Variants in CD300C observed in about 807,000 individuals in gnomAD.
CD300C encodes CMRF35-like molecule 6.
In CD300C, 11 loss-of-function variants were observed where a neutral mutation model predicts 18.4. That is an observed-to-expected ratio of 0.60 (90% CI 0.38 to 0.99). CD300C has a LOEUF of 0.99. CD300C is among the 50% of genes least tolerant of loss of function. CD300C has a pLI of 0.01. For missense variants in CD300C, 277 were observed against 287.4 expected (o/e 0.96, Z 0.26); for synonymous variants, 116 against 116.3 (o/e 1.00, Z 0.02).
downstream of CD300C, among the ~76,000 whole-genome samples, chr17:74,538,712 G>T (rs556488125): frequency 1.3e-5 from 2 of 152,206 alleles, no homozygotes; most frequent in Non-Finnish European, 2.9e-5. Context: ...AGAGGTGCAG[G>T]AATCAATAAC....
In CD300C at chr17:74,544,689, G is replaced by A. The variant is rs756347680; in HGVS notation, c.320C>T (p.Thr107Ile). 5 of 1,614,116 alleles carry A rather than the reference G, an allele frequency of 3.1e-6. No homozygotes were observed. The highest frequency in any genetic ancestry group is 1.3e-5 in the African/African-American group (1 of 74,950). The change falls in exon 2 of 4, where the codon ACC (threonine) becomes ATC (isoleucine). Residue 107 changes from threonine (T) to isoleucine (I), a missense_variant. By Grantham distance (89) the Thr-to-Ile change is moderately conservative. Transcript: ENST00000330793. ...CGGTGTATCCACCCCACACCAGTAG[G>A]TGCCTGCGTCCTCCTCTGTGAGATT... Reference protein sequence around the residue: ...LENLTEEDAGTYWCGVDTPWL... With the variant: ...LENLTEEDAGIYWCGVDTPWL...
Position 74,544,615 on chromosome 17 carries a change from A to G in CD300C, c.394T>C (p.Phe132Leu). The change falls in exon 2 of 4, where the codon TTC becomes CTC. Residue 132 changes from phenylalanine (F) to leucine (L), a missense_variant. By Grantham distance (22) the Phe-to-Leu change is conservative. Coordinates refer to ENST00000330793, the MANE Select transcript of CD300C (RefSeq NM_006678.5). Reference protein sequence around the residue: ...DPIVEVEVSVFPAGTTTASSP... With the variant: ...DPIVEVEVSVLPAGTTTASSP... ...GAGAAAAGGAGGGGCTCACCCGGGA[A>G]CACGGACACCTCAACCTCGACAATG... 1 of 1,609,382 alleles carries G rather than the reference A, an allele frequency of 6.2e-7. No individual in the cohort carries two copies. The highest frequency in any genetic ancestry group is 8.5e-7 in the Non-Finnish European group (1 of 1,176,110).
At chr17:74,537,488 A>G (rs8073632), downstream of CD300C, among the ~76,000 whole-genome samples, 81,431 of 151,332 alleles carry the variant, frequency 0.54, 22,416 homozygotes, top group Middle Eastern at 0.69. Context: ...ATTTAGCCGG[A>G]CATGGTGGCA....
chr17:74,541,055 G>A (rs1299673696), downstream of CD300C: 1 of 153,236 alleles, frequency 6.5e-6, no homozygotes, highest in African/African-American at 2.4e-5. Context: ...GGAAATCAGG[G>A]AACAATGGAT....
At chr17:74,543,012 T>C in intron 2 of CD300C, 25 bp from the exon 3 acceptor site, 5 of 1,612,630 alleles carry the variant, frequency 3.1e-6, no homozygotes, top group Non-Finnish European at 4.2e-6. Flanking sequence ...CAGGTCAACC[T>C]TGATGACATC....
Position 74,542,879 on chromosome 17 carries a change from T to A in CD300C, c.509A>T (p.Glu170Val), listed in dbSNP as rs1376536429. The A allele has an allele frequency of 2.5e-6, 4 of 1,608,402 alleles. No individual in the cohort carries two copies. The highest frequency in any genetic ancestry group is 2.5e-6 in the Non-Finnish European group (3 of 1,179,972). Residue 170 changes from glutamate (E) to valine (V), a missense_variant, in exon 3 of 4, where the codon GAA becomes GTA. By Grantham distance (121) the Glu-to-Val change is moderately radical. Transcript: ENST00000330793. Reference sequence around the variant, plus strand: ...ACCTTACCCAGGGTGTGGGCTGGGTTCGGGGCTGTCCTTTCTGGTCACGCT... The same window carrying A: ...ACCTTACCCAGGGTGTGGGCTGGGTACGGGGCTGTCCTTTCTGGTCACGCT... ...WPSVTRKDSPEPSPHPGSLFS... is the reference protein window; with the variant it reads ...WPSVTRKDSPVPSPHPGSLFS...
downstream of CD300C, among the ~76,000 whole-genome samples, chr17:74,540,042 A>G (rs998213294): frequency 6.6e-6 from 1 of 152,228 alleles, no homozygotes; most frequent in African/African-American, 2.4e-5. Context: ...CTGGTGTGCC[A>G]TATCCAGCTC....
chr17:74,540,432 C>T (rs942972112), downstream of CD300C, among the ~76,000 whole-genome samples: 37 of 152,244 alleles, frequency 2.4e-4, no homozygotes, highest in African/African-American at 7.5e-4. Context: ...GGAATATGGG[C>T]TCAGTGTAAA....
At chr17:74,541,971 C>T (rs770919373) in intron 3 of CD300C, among the ~76,000 whole-genome samples, 13 of 152,290 alleles carry the variant, frequency 8.5e-5, no homozygotes, top group South Asian at 2.1e-4. Flanking sequence ...CGTGAGGTCA[C>T]GCCAGGGATC....
intron 3 of CD300C, among the ~76,000 whole-genome samples, chr17:74,542,534 C>T (rs1265417174): frequency 2.0e-5 from 3 of 152,260 alleles, no homozygotes; most frequent in Admixed American, 6.5e-5. Flanking sequence ...CACCTGCACA[C>T]GCTCTCCCCA....
chr17:74,544,693 C>T lies in CD300C; in HGVS notation c.316G>A (p.Gly106Ser), dbSNP rs754082658. The change falls in exon 2 of 4, where the codon GGC becomes AGC. Residue 106 changes from glycine (G) to serine (S), a missense_variant. Transcript: ENST00000330793. ...TLENLTEEDA[G>S]TYWCGVDTPW... is the part of the protein sequence containing the mutation. Reference sequence around the variant, plus strand: ...GTATCCACCCCACACCAGTAGGTGCCTGCGTCCTCCTCTGTGAGATTCTCC... The same window carrying T: ...GTATCCACCCCACACCAGTAGGTGCTTGCGTCCTCCTCTGTGAGATTCTCC... The T allele has an allele frequency of 3.7e-6, 6 of 1,614,126 alleles. No homozygotes were observed. The African/African-American group carries it at 4.0e-5, about 11-fold the overall frequency.
chr17:74,535,808 T>C, the CD300C span, among the ~76,000 whole-genome samples: 2 of 152,208 alleles, frequency 1.3e-5, no homozygotes, highest in African/African-American at 4.8e-5. Flanking sequence ...GTGACATGAC[T>C]TACCAGATAA....
chr17:74,545,006 G>A (rs1205456264), intron 1 of CD300C, 59 bp from the exon 2 acceptor site: 9 of 1,467,188 alleles, frequency 6.1e-6, no homozygotes, highest in African/African-American at 4.2e-5. Context: ...CAGGGGTGCC[G>A]CAGTGTCAGC....
At chr17:74,536,890 C>T (rs1908393228), downstream of CD300C, among the ~76,000 whole-genome samples, 1 of 150,436 alleles carries the variant, frequency 6.6e-6, no homozygotes, top group East Asian at 1.9e-4. Context: ...TTTGGACAGA[C>T]AAAATTAGGA....
At position 74,545,970 on chromosome 17, in the gene CD300C, G is replaced by T. The variant is rs1324816637; in HGVS notation, c.-188C>A. On this transcript the variant is annotated 5_prime_UTR_variant, in exon 1 of 4. Coordinates refer to ENST00000330793, the MANE Select transcript of CD300C (RefSeq NM_006678.5). Reference sequence around the variant, plus strand: ...GAAGCTCAGGGAGAGAGCCGCCTGGGCTGAGGCCGGTGCTGACAGCTCTGG... The same window carrying T: ...GAAGCTCAGGGAGAGAGCCGCCTGGTCTGAGGCCGGTGCTGACAGCTCTGG... The T allele has an allele frequency of 1.0e-5, 6 of 592,414 alleles. No homozygotes were observed. The South Asian group carries it at 1.1e-4, about 11-fold the overall frequency. 36.7% of individuals were successfully genotyped at this position (592,414 alleles called of 1,614,324 possible). A position where few individuals can be genotyped will look rare whatever the true frequency, so the allele number is the denominator to read the frequency against.
chr17:74,540,385 T>C (rs924127873), downstream of CD300C, among the ~76,000 whole-genome samples: 1 of 152,216 alleles, frequency 6.6e-6, no homozygotes, highest in African/African-American at 2.4e-5. Context: ...CATATTCATG[T>C]ATTTTTGCAT....
chr17:74,543,076 G>A, intron 2 of CD300C, 89 bp from the exon 3 acceptor site: 1 of 1,544,990 alleles, frequency 6.5e-7, no homozygotes, highest in Admixed American at 1.7e-5. Context: ...CACAGACAAG[G>A]TCACCAATGA....
At position 74,544,840 on chromosome 17, in the gene CD300C, A is replaced by C. The variant is rs747871282; in HGVS notation, c.169T>G (p.Cys57Gly). Residue 57 changes from cysteine to glycine, a missense_variant, in exon 2 of 4, where the codon TGC (cysteine) becomes GGC (glycine). Coordinates refer to ENST00000330793, the MANE Select transcript of CD300C (RefSeq NM_006678.5). ...KEHRTLNKFWCRPPQILRCDK... is the reference protein window; with the variant it reads ...KEHRTLNKFWGRPPQILRCDK... Reference sequence around the variant, plus strand: ...CATCGGAGAATCTGTGGTGGTCTGCACCAGAATTTGTTGAGGGTCCTGTGT... The same window carrying C: ...CATCGGAGAATCTGTGGTGGTCTGCCCCAGAATTTGTTGAGGGTCCTGTGT... 6.2e-7 allele frequency: 1 copy of C among 1,614,106 alleles called. No individual in the cohort carries two copies. The highest frequency in any genetic ancestry group is 1.3e-5 in the African/African-American group (1 of 74,936).
chr17:74,545,840 A>C lies in CD300C; in HGVS notation c.-58T>G. ...AAGACCCCAGGAGGGGACAAAATGT[A>C]ATCTCCTCCCAGCAGATCTGAGCTT... On this transcript the variant is annotated 5_prime_UTR_variant, in exon 1 of 4. The change creates a new upstream start codon in the 5' untranslated region. Transcript: ENST00000330793. 7.2e-7 allele frequency: 1 copy of C among 1,382,624 alleles called. No individual in the cohort carries two copies. Among genetic ancestry groups the C allele is most frequent in the Non-Finnish European group, 1.0e-6 (1 of 984,894 alleles). The allele number at this position is 1,382,624 out of a possible 1,614,324, so 85.6% of individuals were successfully genotyped here. A position where few individuals can be genotyped will look rare whatever the true frequency, so the allele number is the denominator to read the frequency against.
Sources: gnomAD v4.1 joint callset for allele counts (sites outside exome capture counted in the v4.1 genomes callset) on GRCh38, gnomAD v4.1.1 for gene constraint, MANE v1.5 for transcripts, NCBI Gene and HGNC (gene_info 2026-07-23, HGNC 2026-07-21) for gene names.